EBF1: variants seen among roughly 807,000 people sequenced by gnomAD.
The protein encoded by EBF1 is transcription factor COE1.
A neutral mutation model predicts 68.4 loss-of-function variants in EBF1; 10 were observed. That is an observed-to-expected ratio of 0.15 (90% CI 0.09 to 0.25). The LOEUF is 0.25. EBF1 is among the 10% of genes least tolerant of loss of function. EBF1 has a pLI of 1.00. For synonymous variants in EBF1, 298 were observed against 299.8 expected (o/e 0.99, Z 0.06); for missense variants, 509 against 794.4 (o/e 0.64, Z 4.32).
intron 6 of EBF1, among the ~76,000 whole-genome samples, chr5:158,966,425 C>T (rs922448620): frequency 9.9e-5 from 15 of 152,230 alleles, no homozygotes; most frequent in African/African-American, 3.1e-4. Context: ...TTTTTCTATG[C>T]CTTCATTTCC....
chr5:159,048,872 T>C (rs1772976799), intron 6 of EBF1, among the ~76,000 whole-genome samples: 1 of 152,220 alleles, frequency 6.6e-6, no homozygotes, highest in African/African-American at 2.4e-5. Context: ...AGTTCTGTTG[T>C]TCTCTGAGGA....
chr5:158,957,996 A>G (rs778441744), intron 6 of EBF1, among the ~76,000 whole-genome samples: 3 of 152,242 alleles, frequency 2.0e-5, no homozygotes, highest in Non-Finnish European at 2.9e-5. Context: ...AAAGAAAAAG[A>G]AAACCTGCCT....
At chr5:158,732,667 C>A (rs757291160) in intron 10 of EBF1, among the ~76,000 whole-genome samples, 1 of 151,748 alleles carries the variant, frequency 6.6e-6, no homozygotes, top group African/African-American at 2.4e-5. Context: ...GAGTAAAAAG[C>A]CAATAATTAC....
At chr5:158,923,642 T>C (rs773296107) in intron 6 of EBF1, among the ~76,000 whole-genome samples, 1 of 152,206 alleles carries the variant, frequency 6.6e-6, no homozygotes, top group Non-Finnish European at 1.5e-5. Context: ...GATATACTAT[T>C]AGTTTCCTTA....
intron 6 of EBF1, among the ~76,000 whole-genome samples, chr5:158,952,531 G>T (rs774836217): frequency 6.6e-6 from 1 of 152,122 alleles, no homozygotes; most frequent in East Asian, 1.9e-4. Flanking sequence ...ATATTCAAAG[G>T]TATTGTGCAA....
intron 6 of EBF1, among the ~76,000 whole-genome samples, chr5:158,925,089 C>A (rs1462522384): frequency 6.6e-6 from 1 of 152,092 alleles, no homozygotes; most frequent in African/African-American, 2.4e-5. Context: ...ACATGCTGTT[C>A]CCACTGCCTG....
intron 6 of EBF1, among the ~76,000 whole-genome samples, chr5:159,054,151 T>C (rs1055329335): frequency 6.6e-6 from 1 of 152,260 alleles, no homozygotes; most frequent in Non-Finnish European, 1.5e-5. Flanking sequence ...AGGGCATTTC[T>C]ATAGAATTAA....
At chr5:159,014,571 A>C (rs1197311816) in intron 6 of EBF1, among the ~76,000 whole-genome samples, 1 of 152,236 alleles carries the variant, frequency 6.6e-6, no homozygotes, top group Admixed American at 6.5e-5. Context: ...GACTTGCCCA[A>C]AGTCACTATG....
At position 158,871,698 on chromosome 5, in the gene EBF1, C is replaced by G. The variant is rs111940786; in HGVS notation, c.555-31588G>C. ...TACAATGGAGAACCTCTAATTCAGT[C>G]ATGTCTTTCCACAGATGGGGAGATA... On this transcript the variant is annotated intron_variant, in intron 6 of 15. Coordinates refer to ENST00000313708, the MANE Select transcript of EBF1 (RefSeq NM_024007.5). Among the ~76,000 whole-genome samples, 212 of 152,330 alleles carry G rather than the reference C, an allele frequency of 1.4e-3. 1 individual carries two copies. Among genetic ancestry groups the G allele is most frequent in the African/African-American group, 4.9e-3 (203 of 41,558 alleles).
chr5:158,858,069 T>C (rs1176689511), intron 6 of EBF1, among the ~76,000 whole-genome samples: 1 of 152,160 alleles, frequency 6.6e-6, no homozygotes, highest in Admixed American at 6.5e-5. Flanking sequence ...GCATAAAAGG[T>C]GCACCATAAG....
chr5:158,970,312 G>T (rs1022618919), intron 6 of EBF1, among the ~76,000 whole-genome samples: 1 of 152,112 alleles, frequency 6.6e-6, no homozygotes, highest in African/African-American at 2.4e-5. Flanking sequence ...AATTACACTA[G>T]CAAACCAATC....
rs72812389 is a variant in EBF1 at position 158,913,192 on chromosome 5, G to A, written c.555-73082C>T. Among the ~76,000 whole-genome samples, 1,339 of 152,264 alleles carry A rather than the reference G, an allele frequency of 8.8e-3. 10 individuals carry two copies. Among genetic ancestry groups the A allele is most frequent in the Non-Finnish European group, 0.015 (1,046 of 68,012 alleles). Reference sequence around the variant, plus strand: ...TAGAGTTCTGGGATTTTTAAAATGCGTATGTTGTTAAGTTTTACTTTAATC... The same window carrying A: ...TAGAGTTCTGGGATTTTTAAAATGCATATGTTGTTAAGTTTTACTTTAATC... On this transcript the variant is annotated intron_variant, in intron 6 of 15. Transcript: ENST00000313708.
At chr5:158,912,936 G>A (rs1583110905) in intron 6 of EBF1, among the ~76,000 whole-genome samples, 1 of 152,326 alleles carries the variant, frequency 6.6e-6, no homozygotes, top group East Asian at 1.9e-4. Flanking sequence ...AACATTTCCA[G>A]AGGATGCCTG....
intron 6 of EBF1, among the ~76,000 whole-genome samples, chr5:159,010,358 T>G (rs1438391992): frequency 2.0e-5 from 3 of 152,192 alleles, no homozygotes; most frequent in Non-Finnish European, 4.4e-5. Context: ...TTGCAACACC[T>G]TCAGTATATT....
At chr5:159,090,807 GTAATAATAA>G (rs138049191) in intron 4 of EBF1, among the ~76,000 whole-genome samples, 4 of 149,278 alleles carry the variant, frequency 2.7e-5, no homozygotes, top group South Asian at 2.1e-4. Flanking sequence ...ACCCAATGGG[GTAATAATAA>G]TAATAATAAT....
intron 7 of EBF1, among the ~76,000 whole-genome samples, chr5:158,832,840 T>C (rs1301003235): frequency 6.6e-6 from 1 of 152,164 alleles, no homozygotes; most frequent in East Asian, 1.9e-4. Context: ...ATGTCATAAC[T>C]CATGTCATCA....
At chr5:158,907,170 T>C (rs1804826702) in intron 6 of EBF1, among the ~76,000 whole-genome samples, 1 of 152,194 alleles carries the variant, frequency 6.6e-6, no homozygotes. Flanking sequence ...ACATCATCTC[T>C]GCCTTCACGC....
chr5:159,017,656 C>T (rs1765884954), intron 6 of EBF1, among the ~76,000 whole-genome samples: 1 of 152,168 alleles, frequency 6.6e-6, no homozygotes, highest in Non-Finnish European at 1.5e-5. Context: ...TATTTGTTTT[C>T]CTACCAGTTA....
intron 6 of EBF1, chr5:158,985,917 G>T (rs914447080): frequency 6.6e-6 from 1 of 152,486 alleles, no homozygotes; most frequent in African/African-American, 2.4e-5. Flanking sequence ...TCAGCACTGT[G>T]CAACAAAGCT....
Sources: gnomAD v4.1 joint callset for allele counts (sites outside exome capture counted in the v4.1 genomes callset) on GRCh38, gnomAD v4.1.1 for gene constraint, MANE v1.5 for transcripts, NCBI Gene and HGNC (gene_info 2026-07-23, HGNC 2026-07-21) for gene names.